NUP210L: variants seen among roughly 807,000 people sequenced by gnomAD.
The protein encoded by NUP210L is nuclear pore membrane glycoprotein 210-like.
NUP210L carries 74 observed loss-of-function variants against 208.5 expected under a neutral mutation model. The ratio of observed to expected loss-of-function variants is 0.35; its 90% CI spans 0.29 to 0.43. The LOEUF is 0.43. NUP210L is among the 20% of genes least tolerant of loss of function. The pLI is 1.00. For missense variants in NUP210L, 1,843 were observed against 2,289.4 expected (o/e 0.81, Z 3.98); for synonymous variants, 780 against 816.9 (o/e 0.95, Z 0.77).
At position 154,061,975 on chromosome 1, in the gene NUP210L, G is replaced by A. The variant is rs536940176; in HGVS notation, c.2555-301C>T. On this transcript the variant is annotated intron_variant, in intron 17 of 39. Transcript: ENST00000368559. Reference sequence around the variant, plus strand: ...CCCAAGTAGCTGGGACTGCAGGCGCGTGCCACGATGCCTGGCTAATTTTTG... The same window carrying A: ...CCCAAGTAGCTGGGACTGCAGGCGCATGCCACGATGCCTGGCTAATTTTTG... 3.3e-5 allele frequency among the ~76,000 whole-genome samples: 5 copies of A among 152,002 alleles called. No homozygotes were observed. The East Asian group carries it at 5.8e-4, about 18-fold the overall frequency.
At chr1:154,080,374 G>A (rs1458971770) in intron 16 of NUP210L, among the ~76,000 whole-genome samples, 2 of 133,820 alleles carry the variant, frequency 1.5e-5, no homozygotes, top group East Asian at 4.7e-4. Flanking sequence ...AAAAAAAAAG[G>A]AAGAAGGAGA....
chr1:153,995,959 A>C, intron 37 of NUP210L: 1 of 443,088 alleles, frequency 2.3e-6, no homozygotes, highest in South Asian at 1.7e-5. Context: ...TCAGCTAAAT[A>C]AAAAATGAAA....
intron 17 of NUP210L, among the ~76,000 whole-genome samples, chr1:154,065,287 G>A (rs554075262): frequency 1.4e-4 from 21 of 151,776 alleles, no homozygotes; most frequent in African/African-American, 5.1e-4. Flanking sequence ...GCTCTTGGTG[G>A]CATGCACCTA....
chr1:154,060,631 C>T (rs767174762), exon 20 of NUP210L: 5 of 1,608,598 alleles, frequency 3.1e-6, no homozygotes, highest in Non-Finnish European at 2.6e-6. Flanking sequence ...TTCCACAAGG[C>T]TAAATGTTTC....
At chr1:154,030,678 T>A (rs1479224446) in intron 27 of NUP210L, among the ~76,000 whole-genome samples, 1 of 152,124 alleles carries the variant, frequency 6.6e-6, no homozygotes, top group Non-Finnish European at 1.5e-5. Context: ...CCTGTAATAA[T>A]CACATCAGGG....
chr1:154,082,788 G>A (rs1655410120), intron 16 of NUP210L, among the ~76,000 whole-genome samples: 1 of 152,222 alleles, frequency 6.6e-6, no homozygotes, highest in Non-Finnish European at 1.5e-5. Context: ...GACTTCAGGA[G>A]TGAAGCTGTA....
chr1:154,075,784 C>A (rs1291409382), intron 16 of NUP210L, among the ~76,000 whole-genome samples: 1 of 151,610 alleles, frequency 6.6e-6, no homozygotes. Flanking sequence ...AAGGCAAATA[C>A]TTCTTTTTTT....
At chr1:154,072,548 G>A (rs188956171) in intron 16 of NUP210L, among the ~76,000 whole-genome samples, 22 of 151,954 alleles carry the variant, frequency 1.4e-4, no homozygotes, top group African/African-American at 4.1e-4. Flanking sequence ...TAGCCAGGAT[G>A]GTCTTGATCT....
At chr1:154,096,856 G>A (rs752599963) in intron 14 of NUP210L, among the ~76,000 whole-genome samples, 12 of 151,962 alleles carry the variant, frequency 7.9e-5, no homozygotes, top group Non-Finnish European at 1.0e-4. Flanking sequence ...CAAGGCAGGC[G>A]GATCCCTTGA....
chr1:154,052,668 C>G (rs1160509208), intron 25 of NUP210L, among the ~76,000 whole-genome samples: 1 of 152,230 alleles, frequency 6.6e-6, no homozygotes, highest in Non-Finnish European at 1.5e-5. Context: ...CACATGCTTT[C>G]TGATCTCAGT....
At chr1:154,116,020 C>T (rs968405845) in intron 12 of NUP210L, among the ~76,000 whole-genome samples, 1 of 151,954 alleles carries the variant, frequency 6.6e-6, no homozygotes, top group Non-Finnish European at 1.5e-5. Context: ...CTTTGGGAGG[C>T]CGAGGCAGGT....
chr1:154,036,739 C>T (rs1473383923), intron 27 of NUP210L, among the ~76,000 whole-genome samples: 1 of 151,926 alleles, frequency 6.6e-6, no homozygotes, highest in African/African-American at 2.4e-5. Flanking sequence ...CATTATAGCT[C>T]ACTGCTGGCT....
chr1:154,077,709 G>A (rs1219858482), intron 16 of NUP210L, among the ~76,000 whole-genome samples: 2 of 152,168 alleles, frequency 1.3e-5, no homozygotes, highest in Non-Finnish European at 2.9e-5. Context: ...ATATGGCCGG[G>A]TGCGGTGGTC....
chr1:154,126,936 TTAC>T (rs1658009814), intron 9 of NUP210L, among the ~76,000 whole-genome samples: 1 of 151,950 alleles, frequency 6.6e-6, no homozygotes, highest in African/African-American at 2.4e-5. Context: ...ATTATATCTT[TTAC>T]TTCTGATTTA....
At chr1:154,085,223 G>A (rs952228617) in intron 16 of NUP210L, among the ~76,000 whole-genome samples, 5 of 150,006 alleles carry the variant, frequency 3.3e-5, no homozygotes, top group South Asian at 2.1e-4. Flanking sequence ...GGTAGTGGGC[G>A]CCTGTAGTCC....
At chr1:154,110,463 G>C (rs941019505) in intron 12 of NUP210L, among the ~76,000 whole-genome samples, 1 of 150,848 alleles carries the variant, frequency 6.6e-6, no homozygotes, top group African/African-American at 2.5e-5. Context: ...GTAGAGACAG[G>C]GTTTCACCAT....
intron 27 of NUP210L, 84 bp downstream of exon 27, chr1:154,045,984 CA>C (rs1653152938): frequency 2.3e-6 from 3 of 1,333,308 alleles, no homozygotes; most frequent in African/African-American, 3.0e-5. Flanking sequence ...GACCTCATCT[CA>C]AAACAAAAAG....
Position 153,995,063 on chromosome 1 carries a change from A to C in NUP210L, c.5491+13T>G, listed in dbSNP as rs761270009. 1.2e-5 allele frequency: 19 copies of C among 1,527,928 alleles called. No individual in the cohort carries two copies. The highest frequency in any genetic ancestry group is 1.7e-5 in the Non-Finnish European group (19 of 1,110,324). The allele number at this position is 1,527,928 out of a possible 1,614,324, so 94.6% of individuals were successfully genotyped here. A position where few individuals can be genotyped will look rare whatever the true frequency, so the allele number is the denominator to read the frequency against. On this transcript the variant is annotated intron_variant, in intron 38 of 39. Transcript: ENST00000368559. ...CATGTCAAAGTCTATGTTATTGAAT[A>C]TAAGGACTCTACCTAGGAAGATGGA...
intron 1 of NUP210L, among the ~76,000 whole-genome samples, chr1:154,153,396 G>A (rs1432778261): frequency 9.2e-5 from 14 of 152,228 alleles, no homozygotes; most frequent in Admixed American, 9.2e-4. Context: ...TGCAACATTC[G>A]CCTCCAGGGT....
Sources: gnomAD v4.1 joint callset for allele counts (sites outside exome capture counted in the v4.1 genomes callset) on GRCh38, gnomAD v4.1.1 for gene constraint, MANE v1.5 for transcripts, NCBI Gene and HGNC (gene_info 2026-07-23, HGNC 2026-07-21) for gene names.